Variants in UNC80 observed in about 807,000 individuals in gnomAD.
UNC80 encodes the protein protein unc-80 homolog.
UNC80 carries 164 observed loss-of-function variants against 384.6 expected under a neutral mutation model. That is an observed-to-expected ratio of 0.43 (90% CI 0.38 to 0.49). UNC80 has a LOEUF of 0.49. UNC80 is among the 20% of genes least tolerant of loss of function. UNC80 has a pLI of 0.00. For missense variants in UNC80, 3,330 were observed against 4,143.0 expected, an observed-to-expected ratio of 0.80 and a Z score of 5.39; for synonymous variants, 1,486 against 1,527.8, an observed-to-expected ratio of 0.97 and a Z score of 0.64.
chr2:209,986,717 A>G (rs1285710049), intron 61 of UNC80, among the ~76,000 whole-genome samples: 1 of 152,176 alleles, frequency 6.6e-6, no homozygotes, highest in African/African-American at 2.4e-5. Context: ...TGAGGCATTC[A>G]CTTTGGCTTC....
chr2:209,910,056 G>T (rs1384555964), intron 29 of UNC80, among the ~76,000 whole-genome samples: 1 of 150,944 alleles, frequency 6.6e-6, no homozygotes, highest in African/African-American at 2.4e-5. Flanking sequence ...TACACATAGT[G>T]GTTGAAATTA....
intron 25 of UNC80, 61 bp from the exon 26 acceptor site, chr2:209,888,034 G>A (rs1574897326): frequency 1.5e-5 from 22 of 1,506,944 alleles, no homozygotes; most frequent in South Asian, 2.5e-5. Context: ...GAGGCTTGCC[G>A]CGAGACCAAT....
chr2:209,821,837 T>C (rs532617276), intron 13 of UNC80, among the ~76,000 whole-genome samples: 1 of 152,350 alleles, frequency 6.6e-6, no homozygotes, highest in East Asian at 1.9e-4. Flanking sequence ...TTTTAATCTC[T>C]AACAAATACT....
At chr2:209,833,048 C>G (rs1446131756) in intron 16 of UNC80, among the ~76,000 whole-genome samples, 3 of 152,176 alleles carry the variant, frequency 2.0e-5, no homozygotes, top group African/African-American at 7.2e-5. Flanking sequence ...GAGTCTTGCC[C>G]CATTCCTAGA....
intron 51 of UNC80, among the ~76,000 whole-genome samples, chr2:209,963,882 A>G (rs1001833501): frequency 1.3e-5 from 2 of 152,218 alleles, no homozygotes; most frequent in Non-Finnish European, 2.9e-5. Context: ...GTAGGAAGAA[A>G]TGAAAGGGAA....
At chr2:209,986,479 G>A (rs2093290155) in intron 61 of UNC80, among the ~76,000 whole-genome samples, 1 of 152,216 alleles carries the variant, frequency 6.6e-6, no homozygotes, top group Non-Finnish European at 1.5e-5. Flanking sequence ...CCAATTCAGT[G>A]TGTCCTGGTT....
At chr2:209,899,407 A>T (rs1056041616) in intron 28 of UNC80, among the ~76,000 whole-genome samples, 4 of 152,234 alleles carry the variant, frequency 2.6e-5, no homozygotes, top group African/African-American at 9.6e-5. Flanking sequence ...TCATGTATGC[A>T]GACAGTGTAT....
chr2:209,809,610 C>A, intron 7 of UNC80: 1 of 688,932 alleles, frequency 1.5e-6, no homozygotes, highest in Non-Finnish European at 2.5e-6. Context: ...CTCTCCCTAC[C>A]AGACACCCTG....
rs2076923654 is a variant in UNC80 at position 209,777,347 on chromosome 2, G to T, written c.388G>T (p.Glu130Ter). ...LLEAPQDCNN[E>*]RFGGTDRGSS... ...GGAGGCCCCCCAGGACTGCAACAAT[G>T]AGCGGTTTGGGGGTACAGACCGAGG... is the stretch of plus-strand genomic sequence containing the variant. The change falls in exon 4 of 65, where the codon GAG becomes TAG. Residue 130 changes from glutamate to a stop codon, truncating the protein, a stop_gained. Transcript: ENST00000673920. LOFTEE classifies it high-confidence loss of function. The T allele has an allele frequency of 6.2e-7, 1 of 1,614,090 alleles. No individual in the cohort carries two copies. The highest frequency in any genetic ancestry group is 1.3e-5 in the African/African-American group (1 of 74,930).
intron 35 of UNC80, among the ~76,000 whole-genome samples, chr2:209,926,275 C>T (rs779288743): frequency 3.3e-5 from 5 of 152,148 alleles, no homozygotes; most frequent in Admixed American, 1.3e-4. Context: ...TATTGTGAAC[C>T]GATCCACTTG....
chr2:209,993,462 G>C, intron 63 of UNC80, 36 bp downstream of exon 63: 1 of 1,522,308 alleles, frequency 6.6e-7, no homozygotes, highest in Non-Finnish European at 8.9e-7. Context: ...CTATACCATT[G>C]ACATGATGCC....
chr2:209,980,368 A>G (rs2093128442), intron 59 of UNC80, among the ~76,000 whole-genome samples: 1 of 152,218 alleles, frequency 6.6e-6, no homozygotes, highest in African/African-American at 2.4e-5. Flanking sequence ...GGAGCAAGGA[A>G]AGAAAAGTAA....
intron 22 of UNC80, 86 bp downstream of exon 22, chr2:209,849,709 T>A: frequency 7.5e-7 from 1 of 1,340,520 alleles, no homozygotes; most frequent in East Asian, 2.5e-5. Flanking sequence ...CCAATTGTAA[T>A]CCTCCTGTGT....
intron 21 of UNC80, among the ~76,000 whole-genome samples, chr2:209,849,086 A>G (rs1468301560): frequency 1.3e-5 from 2 of 152,284 alleles, no homozygotes; most frequent in Middle Eastern, 3.4e-3. Flanking sequence ...ACAGATCTGA[A>G]ATTGCACAGT....
intron 22 of UNC80, among the ~76,000 whole-genome samples, chr2:209,851,972 T>C (rs1158476479): frequency 6.6e-6 from 1 of 152,066 alleles, no homozygotes; most frequent in East Asian, 1.9e-4. Context: ...AAAGTGAAGG[T>C]GACAGAGGCT....
chr2:209,815,729 C>T (rs1178335269), intron 9 of UNC80, among the ~76,000 whole-genome samples: 2 of 152,158 alleles, frequency 1.3e-5, no homozygotes, highest in Admixed American at 1.3e-4. Context: ...TCATTTTTAT[C>T]AAGTACTTTA....
intron 47 of UNC80, among the ~76,000 whole-genome samples, chr2:209,951,859 T>C (rs2092204428): frequency 6.6e-6 from 1 of 152,184 alleles, no homozygotes; most frequent in Non-Finnish European, 1.5e-5. Context: ...CCACATGCTC[T>C]ATATATGTCT....
Position 209,912,681 on chromosome 2 carries a change from G to GC in UNC80, c.4890+14_4890+15insC. ...ATCAGACTTCAGGTATTGTTACCTG[G>GC]ATCAGAAGGATTCATGGAACTTTTA... On this transcript the variant is annotated intron_variant, in intron 30 of 64. Transcript: ENST00000673920. 1 of 1,515,734 alleles carries GC rather than the reference G, an allele frequency of 6.6e-7. No homozygotes were observed. Among genetic ancestry groups the GC allele is most frequent in the Non-Finnish European group, 9.0e-7 (1 of 1,116,196 alleles). 93.9% of individuals were successfully genotyped at this position (1,515,734 alleles called of 1,614,324 possible).
rs192896742 is a variant in UNC80 at position 209,908,135 on chromosome 2, A to G, written c.4782+3170A>G. ...TTCATTTGCCTGTTGTGAATCTGCC[A>G]GATAAATGAACAGTGCCCACATTTC... On this transcript the variant is annotated intron_variant, in intron 29 of 64. Transcript: ENST00000673920. Among the ~76,000 whole-genome samples the G allele has an allele frequency of 2.1e-3, 322 of 152,354 alleles. 1 individual carries two copies. The highest frequency in any genetic ancestry group is 0.01 in the Middle Eastern group (3 of 294).
Sources: gnomAD v4.1 joint callset for allele counts (sites outside exome capture counted in the v4.1 genomes callset) on GRCh38, gnomAD v4.1.1 for gene constraint, MANE v1.5 for transcripts, NCBI Gene and HGNC (gene_info 2026-07-23, HGNC 2026-07-21) for gene names.